RCAN2: variants seen among roughly 807,000 people sequenced by gnomAD.
RCAN2 encodes the protein regulator of calcineurin 2.
RCAN2 carries 9 observed loss-of-function variants against 23.6 expected under a neutral mutation model. The ratio of observed to expected loss-of-function variants is 0.38; its 90% CI spans 0.23 to 0.67. The LOEUF (loss-of-function observed/expected upper bound fraction) is 0.67, where lower values mean the gene tolerates loss of function less well. Among genes scored for constraint, RCAN2 ranks in the 30% least tolerant of loss-of-function variants. The probability of loss-of-function intolerance (pLI) is 0.51; values close to 1 mark genes in which losing one functional copy is unlikely to be tolerated. For missense variants in RCAN2, 273 were observed against 302.3 expected (o/e 0.90, Z 0.72); for synonymous variants, 109 against 115.7 (o/e 0.94, Z 0.37).
At chr6:46,243,581 C>G (rs963281243) in intron 4 of RCAN2, among the ~76,000 whole-genome samples, 1 of 151,858 alleles carries the variant, frequency 6.6e-6, no homozygotes, top group Non-Finnish European at 1.5e-5. Context: ...GAGACTGAGG[C>G]GGGTGGATCA....
intron 2 of RCAN2, among the ~76,000 whole-genome samples, chr6:46,266,217 AT>A (rs1156667125): frequency 6.6e-6 from 1 of 152,216 alleles, no homozygotes; most frequent in African/African-American, 2.4e-5. Flanking sequence ...CTGACTCTGA[AT>A]AAACTGATTT....
chr6:46,343,281 T>G (rs1764384778), intron 2 of RCAN2, among the ~76,000 whole-genome samples: 1 of 152,026 alleles, frequency 6.6e-6, no homozygotes. Flanking sequence ...CAACTATATT[T>G]CTATATTCAG....
intron 2 of RCAN2, among the ~76,000 whole-genome samples, chr6:46,253,292 AT>A (rs1345288930): frequency 6.6e-6 from 1 of 152,180 alleles, no homozygotes; most frequent in African/African-American, 2.4e-5. Flanking sequence ...ATTCTTTATT[AT>A]TGGGCAACAC....
chr6:46,267,107 G>C (rs980940677), intron 2 of RCAN2, among the ~76,000 whole-genome samples: 7 of 152,110 alleles, frequency 4.6e-5, no homozygotes, highest in Non-Finnish European at 1.0e-4. Context: ...ATAAAACCAA[G>C]GTTAAAAGAG....
At chr6:46,462,864 T>C (rs954603520) in intron 1 of RCAN2, among the ~76,000 whole-genome samples, 75 of 152,220 alleles carry the variant, frequency 4.9e-4, no homozygotes, top group Non-Finnish European at 1.8e-4. Flanking sequence ...AAAATTCACT[T>C]TTCTAGGAAT....
At chr6:46,451,778 T>C (rs1767889900) in intron 2 of RCAN2, among the ~76,000 whole-genome samples, 1 of 152,186 alleles carries the variant, frequency 6.6e-6, no homozygotes, top group South Asian at 2.1e-4. Flanking sequence ...TTGCAATGCA[T>C]TGCAATGATC....
intron 2 of RCAN2, among the ~76,000 whole-genome samples, chr6:46,326,625 G>GT (rs928539030): frequency 1.8e-4 from 27 of 152,256 alleles, no homozygotes; most frequent in African/African-American, 6.5e-4. Context: ...ATTTCCAATT[G>GT]TTTTTTATTT....
At chr6:46,365,518 A>G (rs1220042740) in intron 2 of RCAN2, among the ~76,000 whole-genome samples, 1 of 147,134 alleles carries the variant, frequency 6.8e-6, no homozygotes, top group African/African-American at 2.5e-5. Flanking sequence ...AGAAAAAGAA[A>G]AAAAGAAAAA....
intron 1 of RCAN2, among the ~76,000 whole-genome samples, chr6:46,462,518 A>AAT (rs1768247766): frequency 6.6e-6 from 1 of 152,326 alleles, no homozygotes; most frequent in South Asian, 2.1e-4. Context: ...AAGTAAAGAC[A>AAT]ATATGTTTCC....
intron 2 of RCAN2, chr6:46,325,674 A>C (rs542334567): frequency 7.2e-7 from 1 of 1,386,038 alleles, no homozygotes; most frequent in Non-Finnish European, 9.3e-7. Flanking sequence ...CAGAGTAACG[A>C]ACGGCCCGGC....
intron 2 of RCAN2, among the ~76,000 whole-genome samples, chr6:46,453,137 G>A (rs1259308963): frequency 6.6e-6 from 1 of 152,170 alleles, no homozygotes; most frequent in East Asian, 1.9e-4. Context: ...GATGACTTCT[G>A]CAGCCCAGCT....
chr6:46,470,122 A>G (rs2150440784), intron 1 of RCAN2, among the ~76,000 whole-genome samples: 1 of 152,348 alleles, frequency 6.6e-6, no homozygotes, highest in East Asian at 1.9e-4. Flanking sequence ...GCAGCACAAA[A>G]TGAACTAAAA....
chr6:46,365,216 C>G (rs1396915638), intron 2 of RCAN2, among the ~76,000 whole-genome samples: 1 of 152,104 alleles, frequency 6.6e-6, no homozygotes, highest in Non-Finnish European at 1.5e-5. Context: ...TGGCTCACAC[C>G]TATAATCCCA....
intron 1 of RCAN2, among the ~76,000 whole-genome samples, chr6:46,475,217 AG>A (rs1768680322): frequency 1.3e-5 from 2 of 152,322 alleles, no homozygotes; most frequent in East Asian, 3.9e-4. Flanking sequence ...ACCCTCTAAT[AG>A]CTGCATGTTG....
chr6:46,297,020 T>G (rs1341861378), intron 2 of RCAN2, among the ~76,000 whole-genome samples: 1 of 152,128 alleles, frequency 6.6e-6, no homozygotes, highest in East Asian at 1.9e-4. Flanking sequence ...TTCCTAACAG[T>G]ACAAACTCTT....
At chr6:46,394,422 T>G (rs1050119064) in intron 2 of RCAN2, among the ~76,000 whole-genome samples, 8 of 140,216 alleles carry the variant, frequency 5.7e-5, no homozygotes, top group Non-Finnish European at 1.2e-4. Context: ...AAGCTTAAAA[T>G]GTGGCTGGGC....
At chr6:46,458,892 C>T (rs896060455) in intron 1 of RCAN2, among the ~76,000 whole-genome samples, 2 of 133,320 alleles carry the variant, frequency 1.5e-5, no homozygotes, top group African/African-American at 5.1e-5. Context: ...AAAACGCGCG[C>T]GCACGTGTGT....
At chr6:46,349,005 G>C (rs6934171) in intron 2 of RCAN2, among the ~76,000 whole-genome samples, 76,063 of 151,978 alleles carry the variant, frequency 0.5, 19,260 homozygotes, top group East Asian at 0.61. Context: ...CATGAAGAAC[G>C]CTATTTCATA....
chr6:46,310,253 G>A (rs1049489453), intron 2 of RCAN2, among the ~76,000 whole-genome samples: 2 of 152,048 alleles, frequency 1.3e-5, no homozygotes, highest in Admixed American at 6.6e-5. Context: ...GAATAATTGT[G>A]TAGGAGGATC....
Sources: gnomAD v4.1 joint callset for allele counts (sites outside exome capture counted in the v4.1 genomes callset) on GRCh38, gnomAD v4.1.1 for gene constraint, MANE v1.5 for transcripts, NCBI Gene and HGNC (gene_info 2026-07-23, HGNC 2026-07-21) for gene names.